The following SVEP1 variants were observed in gnomAD, a reference collection of about 807,000 sequenced individuals.
SVEP1 encodes sushi, von Willebrand factor type A, EGF and pentraxin domain-containing protein 1.
A neutral mutation model predicts 367.3 loss-of-function variants in SVEP1; 164 were observed. That is an observed-to-expected ratio of 0.45 (90% confidence interval 0.39 to 0.51). SVEP1 has a LOEUF of 0.51. SVEP1 is among the 20% of genes least tolerant of loss of function. SVEP1 has a pLI of 0.00. For missense variants in SVEP1, 4,117 were observed against 4,425.3 expected (o/e 0.93, Z 1.98); for synonymous variants, 1,666 against 1,611.6 (o/e 1.03, Z -0.81).
intron 1 of SVEP1, among the ~76,000 whole-genome samples, chr9:110,563,905 A>G (rs79089396): frequency 0.11 from 17,190 of 152,098 alleles, 1,341 homozygotes; most frequent in East Asian, 0.33. Flanking sequence ...TAATAAAACC[A>G]AAAAAACACC....
intron 1 of SVEP1, among the ~76,000 whole-genome samples, chr9:110,575,812 C>T (rs948226133): frequency 2.6e-5 from 4 of 152,160 alleles, no homozygotes; most frequent in Non-Finnish European, 5.9e-5. Context: ...CAGTTAAAAA[C>T]TGGATAATAA....
At chr9:110,519,855 C>G (rs988250464) in intron 3 of SVEP1, among the ~76,000 whole-genome samples, 7 of 152,092 alleles carry the variant, frequency 4.6e-5, no homozygotes, top group African/African-American at 1.7e-4. Context: ...TATGGGGTCA[C>G]TGGCAAGTGA....
At chr9:110,562,223 T>C (rs367736254) in intron 1 of SVEP1, among the ~76,000 whole-genome samples, 6 of 141,462 alleles carry the variant, frequency 4.2e-5, no homozygotes, top group African/African-American at 1.3e-4. Flanking sequence ...ATAAAGAAAA[T>C]ATGAATAGCA....
intron 22 of SVEP1, among the ~76,000 whole-genome samples, chr9:110,453,510 T>C (rs538729760): frequency 6.6e-6 from 1 of 152,258 alleles, no homozygotes; most frequent in South Asian, 2.1e-4. Flanking sequence ...CCTAAAAAAG[T>C]ATATAAGTGA....
intron 1 of SVEP1, among the ~76,000 whole-genome samples, chr9:110,577,540 G>C (rs1170588722): frequency 6.6e-6 from 1 of 152,110 alleles, no homozygotes; most frequent in African/African-American, 2.4e-5. Flanking sequence ...TTTGGGAAAT[G>C]AGAGAGCTAT....
intron 3 of SVEP1, among the ~76,000 whole-genome samples, chr9:110,527,490 A>G (rs2118805879): frequency 6.6e-6 from 1 of 152,188 alleles, no homozygotes; most frequent in South Asian, 2.1e-4. Flanking sequence ...TAAAGGATTC[A>G]CTAACTTATA....
chr9:110,390,445 GTT>G (rs1487706982), intron 40 of SVEP1, among the ~76,000 whole-genome samples: 21 of 144,834 alleles, frequency 1.4e-4, no homozygotes, highest in African/African-American at 5.4e-4. Context: ...CAACACTTAG[GTT>G]GACTCCATAT....
intron 9 of SVEP1, 58 bp from the exon 10 acceptor site, chr9:110,483,751 G>T: frequency 1.5e-6 from 2 of 1,358,372 alleles, no homozygotes; most frequent in Non-Finnish European, 2.0e-6. Flanking sequence ...ACGATGAGGA[G>T]GTTTTCAAAA....
At position 110,432,555 on chromosome 9, in the gene SVEP1, A is replaced by G; in HGVS notation, c.5140T>C (p.Tyr1714His). The G allele has an allele frequency of 6.2e-7, 1 of 1,613,936 alleles. No homozygotes were observed. Among genetic ancestry groups the G allele is most frequent in the East Asian group, 2.2e-5 (1 of 44,880 alleles). The change falls in exon 31 of 48, where the codon TAC becomes CAC. Residue 1714 changes from tyrosine to histidine, a missense_variant. By Grantham distance (83) the Tyr-to-His change is moderately conservative (BLOSUM62 2). This residue lies in a region of SVEP1 where 2,174 missense variants were observed against 2,494.3 expected (regional missense o/e 0.87). Transcript: ENST00000374469. Reference protein sequence around the residue: ...DDFYAGSTVTYQCNNGYYLLG... With the variant: ...DDFYAGSTVTHQCNNGYYLLG... ...AGATAGTAGCCATTGTTGCACTGGT[A>G]GGTTACTGTGCTGCCAGCATAGAAG...
chr9:110,395,183 G>A (rs1020745912), intron 40 of SVEP1, among the ~76,000 whole-genome samples: 11 of 152,236 alleles, frequency 7.2e-5, no homozygotes, highest in Non-Finnish European at 1.5e-4. Flanking sequence ...CCAGAAGAGA[G>A]TGGGGGCCAA....
rs12115783 is a variant in SVEP1 at position 110,482,344 on chromosome 9, A to G, written c.2170+17T>C. The G allele has an allele frequency of 5.3e-3, 8,502 of 1,605,906 alleles. 368 individuals are homozygous for G. The African/African-American group carries it at 0.098, about 19-fold the overall frequency. On this transcript the variant is annotated intron_variant, in intron 11 of 47. Coordinates refer to ENST00000374469, the MANE Select transcript of SVEP1 (RefSeq NM_153366.4). ...TCAAATGTCAACTAGAATTCTGGGG[A>G]CTTATGAAGACAATACCTTTTATGA...
chr9:110,464,956 G>A lies in SVEP1; in HGVS notation c.3322+909C>T, dbSNP rs7853789. 3.7e-3 allele frequency among the ~76,000 whole-genome samples: 558 copies of A among 152,092 alleles called. 2 individuals carry two copies. Among genetic ancestry groups the A allele is most frequent in the Non-Finnish European group, 6.3e-3 (425 of 67,974 alleles). On this transcript the variant is annotated intron_variant, in intron 18 of 47. Transcript: ENST00000374469. ...TTGTCATTCTAAGTTTTCATCTTTT[G>A]TTTCTGTTTACATGTTCATGAGTAT...
chr9:110,416,388 T>C (rs1158579870), intron 36 of SVEP1, among the ~76,000 whole-genome samples: 2 of 151,836 alleles, frequency 1.3e-5, no homozygotes, highest in Admixed American at 6.6e-5. Context: ...ACAATGGACA[T>C]ATTCAAAAAC....
intron 40 of SVEP1, among the ~76,000 whole-genome samples, chr9:110,400,441 A>C (rs1406117100): frequency 6.6e-6 from 1 of 150,994 alleles, no homozygotes; most frequent in Non-Finnish European, 1.5e-5. Flanking sequence ...ATTTCAGCTC[A>C]CTGAAACCTA....
Position 110,429,214 on chromosome 9 carries a change from A to G in SVEP1, c.5736T>C (p.Asn1912=), listed in dbSNP as rs768171669. Residue 1912 remains asparagine (N), a synonymous_variant, in exon 35 of 48, where the codon AAT becomes AAC. Transcript: ENST00000374469. ...GCCCACTCAAAATATATTTTCCATT[A>G]TTTATATTTTCCGGACTAGAACACT... is the stretch of plus-strand genomic sequence containing the variant. The part of the protein sequence containing the change: ...PVKCSSPENI[N]NGKYILSGLT... The G allele has an allele frequency of 6.3e-7, 1 of 1,596,872 alleles. No individual in the cohort carries two copies. The highest frequency in any genetic ancestry group is 2.3e-5 in the East Asian group (1 of 44,372).
chr9:110,472,417 G>T, intron 14 of SVEP1, 94 bp from the exon 15 acceptor site: 2 of 1,270,244 alleles, frequency 1.6e-6, no homozygotes, highest in South Asian at 1.7e-5. Context: ...AATTACACTT[G>T]ACCATTTCCT....
Position 110,366,360 on chromosome 9 carries a change from A to AGTAT in SVEP1, c.*175_*178dup. 1 of 472,258 alleles carries AGTAT rather than the reference A, an allele frequency of 2.1e-6. No homozygotes were observed. Among genetic ancestry groups the AGTAT allele is most frequent in the Non-Finnish European group, 3.6e-6 (1 of 281,542 alleles). The allele number at this position is 472,258 out of a possible 1,614,324, so 29.3% of individuals were successfully genotyped here. A position where few individuals can be genotyped will look rare whatever the true frequency, so the allele number is the denominator to read the frequency against. ...ATTTAAAAATGGAAACATGTAAGAA[A>AGTAT]GTATGTCACAAGGAATAACAAAATA... On this transcript the variant is annotated 3_prime_UTR_variant, in exon 48 of 48. Coordinates refer to ENST00000374469, the MANE Select transcript of SVEP1 (RefSeq NM_153366.4).
At chr9:110,434,607 C>T in intron 29 of SVEP1, 101 bp from the exon 30 acceptor site, 1 of 961,520 alleles carries the variant, frequency 1.0e-6, no homozygotes, top group Non-Finnish European at 1.4e-6. Flanking sequence ...ATTTGAGAGC[C>T]ACCTTACTGA....
intron 1 of SVEP1, among the ~76,000 whole-genome samples, chr9:110,568,646 C>T (rs1057156542): frequency 6.6e-6 from 1 of 151,902 alleles, no homozygotes; most frequent in Admixed American, 6.6e-5. Flanking sequence ...GGGAAGGGAC[C>T]CTTACTCTGA....
Sources: gnomAD v4.1 joint callset for allele counts (sites outside exome capture counted in the v4.1 genomes callset) on GRCh38, gnomAD v4.1.1 for gene constraint, gnomAD v4.1.1 regional missense constraint, MANE v1.5 for transcripts, NCBI Gene and HGNC (gene_info 2026-07-23, HGNC 2026-07-21) for gene names.